PKIB: variants seen among roughly 807,000 people sequenced by gnomAD.
PKIB encodes the protein PKI-beta.
A neutral mutation model predicts 4.5 loss-of-function variants in PKIB; 2 were observed. That is an observed-to-expected ratio of 0.44 (90% CI 0.18 to 1.39). PKIB has a LOEUF of 1.39. PKIB is among the 40% of genes most tolerant of loss of function. The pLI, the probability that PKIB is intolerant of heterozygous loss-of-function variation, is 0.27. For synonymous variants in PKIB, 38 were observed against 36.0 expected (o/e 1.06, Z -0.20); for missense variants, 94 against 92.6 (o/e 1.02, Z -0.06).
At chr6:122,589,839 G>A (rs1331023226) in intron 3 of PKIB, among the ~76,000 whole-genome samples, 1 of 152,160 alleles carries the variant, frequency 6.6e-6, no homozygotes, top group Non-Finnish European at 1.5e-5. Flanking sequence ...TTTACCAACA[G>A]AGCCAATTTA....
At chr6:122,500,455 A>G (rs971137111) in intron 2 of PKIB, among the ~76,000 whole-genome samples, 6 of 152,208 alleles carry the variant, frequency 3.9e-5, no homozygotes, top group Non-Finnish European at 7.3e-5. Context: ...AGTTAGCACA[A>G]AAAACAATTT....
intron 2 of PKIB, among the ~76,000 whole-genome samples, chr6:122,521,297 G>T (rs544030703): frequency 2.0e-5 from 3 of 152,260 alleles, no homozygotes; most frequent in Admixed American, 1.3e-4. Flanking sequence ...CACTGAGTTT[G>T]TCATTGCCAG....
intron 2 of PKIB, among the ~76,000 whole-genome samples, chr6:122,652,285 T>C (rs1337579287): frequency 1.2e-5 from 1 of 81,950 alleles, no homozygotes; most frequent in African/African-American, 4.7e-5. Flanking sequence ...TGTGCATATA[T>C]GTTGGTTTGT....
intron 3 of PKIB, among the ~76,000 whole-genome samples, chr6:122,602,721 C>T (rs905118521): frequency 6.6e-6 from 1 of 151,974 alleles, no homozygotes; most frequent in Admixed American, 6.6e-5. Context: ...TCGAGACCAG[C>T]CTGGCCAATG....
chr6:122,612,990 C>A (rs1774823973), intron 1 of PKIB, among the ~76,000 whole-genome samples: 1 of 152,140 alleles, frequency 6.6e-6, no homozygotes, highest in Non-Finnish European at 1.5e-5. Flanking sequence ...GGAACCATTG[C>A]TTCTCTTCAA....
chr6:122,708,314 A>G (rs1034144067), intron 3 of PKIB, among the ~76,000 whole-genome samples: 12 of 152,124 alleles, frequency 7.9e-5, no homozygotes, highest in African/African-American at 2.4e-5. Flanking sequence ...TTCCTATGCC[A>G]TATTATCTCA....
At chr6:122,671,692 A>G (rs749293293) in intron 2 of PKIB, among the ~76,000 whole-genome samples, 4 of 152,170 alleles carry the variant, frequency 2.6e-5, no homozygotes, top group Non-Finnish European at 5.9e-5. Flanking sequence ...TAAAACTTTG[A>G]TATTTTGTTC....
intron 2 of PKIB, among the ~76,000 whole-genome samples, chr6:122,667,163 C>T (rs561367471): frequency 6.6e-6 from 1 of 152,270 alleles, no homozygotes; most frequent in South Asian, 2.1e-4. Flanking sequence ...TGTAACAATA[C>T]TGGGGTTAGA....
At chr6:122,534,292 C>T (rs563737862) in intron 2 of PKIB, among the ~76,000 whole-genome samples, 7 of 151,982 alleles carry the variant, frequency 4.6e-5, no homozygotes, top group Admixed American at 2.0e-4. Context: ...GATAATCTCT[C>T]TGGTTGTGGG....
intron 2 of PKIB, chr6:122,483,947 A>G (rs1775692403): frequency 6.6e-6 from 1 of 152,198 alleles, no homozygotes; most frequent in Non-Finnish European, 1.5e-5. Flanking sequence ...CAAAGTGGAA[A>G]AGTTTGCTGT....
At chr6:122,480,652 C>G (rs1009460053) in intron 2 of PKIB, 5 of 152,096 alleles carry the variant, frequency 3.3e-5, no homozygotes, top group African/African-American at 1.2e-4. Flanking sequence ...TCTATCTCTT[C>G]CCTTTGATCT....
intron 2 of PKIB, among the ~76,000 whole-genome samples, chr6:122,583,034 C>T (rs66559480): frequency 0.2 from 29,673 of 151,712 alleles, 3,505 homozygotes; most frequent in Non-Finnish European, 0.27. Context: ...ATAGTCTTAA[C>T]AATCAAGATA....
At chr6:122,539,918 A>T (rs1173838341) in intron 2 of PKIB, among the ~76,000 whole-genome samples, 1 of 152,020 alleles carries the variant, frequency 6.6e-6, no homozygotes, top group Non-Finnish European at 1.5e-5. Context: ...GGGAGGGTGT[A>T]TGTGTTAAGG....
chr6:122,606,068 G>A (rs372257322), upstream of PKIB, among the ~76,000 whole-genome samples: 7 of 152,116 alleles, frequency 4.6e-5, no homozygotes, highest in African/African-American at 1.7e-4. Flanking sequence ...AAGGATCTTC[G>A]AAGATGCAAT....
In PKIB at chr6:122,535,620, G is replaced by A. The variant is rs566558158; in HGVS notation, c.-247-50301G>A. ...TTAGTCCTGCTTGCACTTGCTGACT[G>A]TTGTTCTTTTCAAGAAACCTGGACA... On this transcript the variant is annotated intron_variant, in intron 2 of 6. Coordinates refer to the PKIB transcript ENST00000392491. Among the ~76,000 whole-genome samples, 62 of 152,202 alleles carry A rather than the reference G, an allele frequency of 4.1e-4. 1 individual carries two copies. The highest frequency in any genetic ancestry group is 1.3e-3 in the African/African-American group (54 of 41,516).
At chr6:122,492,767 GAGAA>G (rs1775972943) in intron 2 of PKIB, among the ~76,000 whole-genome samples, 1 of 118,208 alleles carries the variant, frequency 8.5e-6, no homozygotes, top group African/African-American at 3.1e-5. Flanking sequence ...TATATTTTAA[GAGAA>G]AGAGTTTTTT....
At chr6:122,579,492 TTCTGTA>T (rs747274478) in intron 2 of PKIB, among the ~76,000 whole-genome samples, 91 of 152,334 alleles carry the variant, frequency 6.0e-4, no homozygotes, top group Non-Finnish European at 1.3e-3. Context: ...AATTTTAATT[TTCTGTA>T]CTACATTACA....
chr6:122,615,539 T>C (rs1369239958), intron 1 of PKIB, among the ~76,000 whole-genome samples: 1 of 151,420 alleles, frequency 6.6e-6, no homozygotes, highest in Non-Finnish European at 1.5e-5. Context: ...ACTTCATGGG[T>C]GTACTGAGTT....
chr6:122,699,090 A>G (rs535497677), intron 3 of PKIB, among the ~76,000 whole-genome samples: 96 of 152,220 alleles, frequency 6.3e-4, no homozygotes, highest in African/African-American at 2.3e-3. Flanking sequence ...TGTCATTAAG[A>G]TCCTGCCTGC....
Sources: gnomAD v4.1 joint callset for allele counts (sites outside exome capture counted in the v4.1 genomes callset) on GRCh38, gnomAD v4.1.1 for gene constraint, MANE v1.5 for transcripts, NCBI Gene and HGNC (gene_info 2026-07-23, HGNC 2026-07-21) for gene names.